The following GALNT16 variants were observed in gnomAD, a reference collection of about 807,000 sequenced individuals.
The protein encoded by GALNT16 is UDP-GalNAc:polypeptide N-acetylgalactosaminyltransferase-like protein 1.
In GALNT16, 40 loss-of-function variants were observed where a neutral mutation model predicts 76.1. The observed-to-expected ratio is 0.53, with a 90% CI of 0.41 to 0.68. GALNT16 has a LOEUF of 0.68. Ranked by LOEUF, GALNT16 falls within the 30% of genes least tolerant of loss-of-function variation. GALNT16 has a pLI of 0.00. For synonymous variants in GALNT16, 276 were observed against 285.2 expected, an observed-to-expected ratio of 0.97 and a Z score of 0.32; for missense variants, 621 against 731.9, an observed-to-expected ratio of 0.85 and a Z score of 1.75.
chr14:69,325,115 T>C (rs1224765746), intron 3 of GALNT16, among the ~76,000 whole-genome samples: 3 of 152,046 alleles, frequency 2.0e-5, no homozygotes, highest in South Asian at 2.1e-4. Context: ...GAGAGGTGGA[T>C]TGGAGGTGGA....
intron 1 of GALNT16, among the ~76,000 whole-genome samples, chr14:69,287,165 C>G (rs893413972): frequency 1.3e-5 from 2 of 152,224 alleles, no homozygotes; most frequent in Non-Finnish European, 2.9e-5. Context: ...AATTACAACT[C>G]TGCATCACAC....
At chr14:69,357,187 A>G (rs1325541105), downstream of GALNT16, 1 of 152,252 alleles carries the variant, frequency 6.6e-6, no homozygotes, top group Non-Finnish European at 1.5e-5. Context: ...GGCAGGAGCT[A>G]TGGGAGCAAG....
At chr14:69,277,952 G>C (rs923462278) in intron 1 of GALNT16, among the ~76,000 whole-genome samples, 2 of 151,566 alleles carry the variant, frequency 1.3e-5, no homozygotes, top group Admixed American at 1.3e-4. Context: ...ATGAAAAAAT[G>C]CTCATCATCA....
chr14:69,380,730 T>C, the GALNT16 span: 251 of 716,588 alleles, frequency 3.5e-4, 1 homozygote, highest in East Asian at 2.3e-3. Context: ...AATGATGGCA[T>C]AGATGTGCAC....
At chr14:69,339,254 C>A (rs546660849) in intron 10 of GALNT16, among the ~76,000 whole-genome samples, 8 of 152,200 alleles carry the variant, frequency 5.3e-5, no homozygotes, top group Admixed American at 4.6e-4. Context: ...TGAGCACCCT[C>A]GTACATGTGG....
At chr14:69,375,284 A>C in the GALNT16 span, among the ~76,000 whole-genome samples, 1 of 152,198 alleles carries the variant, frequency 6.6e-6, no homozygotes. Flanking sequence ...TCTGTGTCTT[A>C]ACATGTAAAG....
chr14:69,337,353 G>T (rs942802610), intron 9 of GALNT16, among the ~76,000 whole-genome samples: 2 of 152,182 alleles, frequency 1.3e-5, no homozygotes, highest in African/African-American at 4.8e-5. Flanking sequence ...TTAGATATTG[G>T]ATAGAAAGAG....
intron 1 of GALNT16, among the ~76,000 whole-genome samples, chr14:69,312,054 A>ATCT (rs1555399251): frequency 4.1e-4 from 51 of 125,752 alleles, no homozygotes; most frequent in African/African-American, 1.3e-3. Flanking sequence ...AAAAAAAAAA[A>ATCT]ATCTGTCTAT....
the GALNT16 span, among the ~76,000 whole-genome samples, chr14:69,368,068 A>G: frequency 6.6e-6 from 1 of 152,196 alleles, no homozygotes. Context: ...CATTATGAAA[A>G]ACGTCCTCTT....
chr14:69,299,836 C>T (rs1594833104), intron 1 of GALNT16, among the ~76,000 whole-genome samples: 1 of 152,330 alleles, frequency 6.6e-6, no homozygotes, highest in East Asian at 1.9e-4. Context: ...ACCCCATCTT[C>T]ACCATGGAAC....
chr14:69,326,505 T>G lies in GALNT16; in HGVS notation c.568+478T>G, dbSNP rs572929593. Among the ~76,000 whole-genome samples the G allele has an allele frequency of 3.3e-5, 5 of 152,256 alleles. No homozygotes were observed. The South Asian group carries it at 1.0e-3, about 32-fold the overall frequency. On this transcript the variant is annotated intron_variant, in intron 5 of 14. Coordinates refer to ENST00000448469, the MANE Select transcript of GALNT16 (RefSeq NM_001168368.2). ...CTACTACATAGCCAAGGGGTCAGAA[T>G]CCACTGCAGCCACAGGCTGGCTGTG...
chr14:69,301,202 C>CAGCT (rs2140140478), intron 1 of GALNT16, among the ~76,000 whole-genome samples: 1 of 152,284 alleles, frequency 6.6e-6, no homozygotes, highest in African/African-American at 2.4e-5. Flanking sequence ...AAAGCCCCTG[C>CAGCT]AGCTGCGTGA....
At chr14:69,267,673 GGA>G (rs1356329096) in intron 1 of GALNT16, among the ~76,000 whole-genome samples, 1 of 152,168 alleles carries the variant, frequency 6.6e-6, no homozygotes, top group Non-Finnish European at 1.5e-5. Context: ...AGCAGGGGAT[GGA>G]GAGAGGGAAT....
At chr14:69,362,470 G>A in the GALNT16 span, among the ~76,000 whole-genome samples, 1 of 152,332 alleles carries the variant, frequency 6.6e-6, no homozygotes, top group Non-Finnish European at 1.5e-5. Flanking sequence ...ATAACCAAAT[G>A]TGTCCATCTC....
At chr14:69,344,608 G>A (rs2045537598) in intron 12 of GALNT16, among the ~76,000 whole-genome samples, 1 of 152,202 alleles carries the variant, frequency 6.6e-6, no homozygotes, top group South Asian at 2.1e-4. Flanking sequence ...CTACCACGAT[G>A]ACAGCTTAGG....
At chr14:69,339,710 A>C in intron 11 of GALNT16, 91 bp downstream of exon 11, 13 of 727,468 alleles carry the variant, frequency 1.8e-5, no homozygotes, top group African/African-American at 1.8e-5. Context: ...CCAGGGAACC[A>C]CCCGCCACCT....
At chr14:69,296,805 CTAGATAGATAGATAGATAGATAGA>C (rs71102640) in intron 1 of GALNT16, among the ~76,000 whole-genome samples, 5 of 148,068 alleles carry the variant, frequency 3.4e-5, no homozygotes, top group Admixed American at 2.7e-4. Flanking sequence ...ACAGATAGAG[CTAGATAGATAGATAGATAGATAGA>C]TAGATAGATA....
chr14:69,310,133 A>G (rs1038890962), intron 1 of GALNT16, among the ~76,000 whole-genome samples: 8 of 152,160 alleles, frequency 5.3e-5, no homozygotes, highest in African/African-American at 1.9e-4. Flanking sequence ...ATCTGTTTAT[A>G]GTAAGACATA....
At position 69,283,478 on chromosome 14, in the gene GALNT16, T is replaced by C. The variant is rs546199638; in HGVS notation, c.177+23011T>C. On this transcript the variant is annotated intron_variant, in intron 1 of 14. Transcript: ENST00000448469. ...AATGGTTTGTCTACCAGGGTCACAC[T>C]TGGCCTCTTACGAGTCCTGACTCTT... Among the ~76,000 whole-genome samples the C allele has an allele frequency of 5.9e-5, 9 of 152,334 alleles. No individual in the cohort carries two copies. The South Asian group carries it at 1.9e-3, about 32-fold the overall frequency.
Sources: gnomAD v4.1 joint callset for allele counts (sites outside exome capture counted in the v4.1 genomes callset) on GRCh38, gnomAD v4.1.1 for gene constraint, MANE v1.5 for transcripts, NCBI Gene and HGNC (gene_info 2026-07-23, HGNC 2026-07-21) for gene names.